Variants in NRG3 observed in about 807,000 individuals in gnomAD.
NRG3 encodes the protein pro-neuregulin-3, membrane-bound isoform.
In NRG3, 31 loss-of-function variants were observed where a neutral mutation model predicts 66.9. The observed-to-expected ratio is 0.46, with a 90% CI of 0.35 to 0.63. The LOEUF is 0.63. Among genes scored for constraint, NRG3 ranks in the 20% least tolerant of loss-of-function variants. The pLI, the probability that NRG3 is intolerant of heterozygous loss-of-function variation, is 0.00. For synonymous variants in NRG3, 393 were observed against 359.4 expected (o/e 1.09, Z -1.06); for missense variants, 910 against 878.9 (o/e 1.04, Z -0.45).
intron 2 of NRG3, among the ~76,000 whole-genome samples, chr10:82,359,538 T>TA (rs924522295): frequency 7.2e-5 from 11 of 152,068 alleles, no homozygotes; most frequent in African/African-American, 2.4e-4. Flanking sequence ...CTGCTAAAAA[T>TA]AAAAACAAGG....
intron 2 of NRG3, among the ~76,000 whole-genome samples, chr10:82,371,774 A>G (rs1387772945): frequency 1.3e-5 from 2 of 152,158 alleles, no homozygotes; most frequent in African/African-American, 4.8e-5. Context: ...GAAGGGGAGC[A>G]TTATGTGCAG....
chr10:82,628,843 C>CT, intron 2 of NRG3, among the ~76,000 whole-genome samples: 1 of 152,194 alleles, frequency 6.6e-6, no homozygotes, highest in East Asian at 1.9e-4. Flanking sequence ...GATTTAATTT[C>CT]TTTTGTGCAG....
At chr10:82,006,279 ATAACTAGCCTGTT>A (rs1315925090) in intron 1 of NRG3, among the ~76,000 whole-genome samples, 1 of 152,100 alleles carries the variant, frequency 6.6e-6, no homozygotes, top group East Asian at 1.9e-4. Context: ...GTCTATTCAT[ATAACTAGCCTGTT>A]TTTCTATTTA....
intron 2 of NRG3, among the ~76,000 whole-genome samples, chr10:82,361,271 C>T (rs1411173071): frequency 6.6e-6 from 1 of 152,138 alleles, no homozygotes; most frequent in African/African-American, 2.4e-5. Context: ...TATTTCAGTA[C>T]AGACAGCCTG....
chr10:82,101,605 A>G (rs1276090804), intron 1 of NRG3, among the ~76,000 whole-genome samples: 1 of 151,590 alleles, frequency 6.6e-6, no homozygotes, highest in Non-Finnish European at 1.5e-5. Flanking sequence ...TTATTTAGGG[A>G]TATGTTAGCT....
intron 1 of NRG3, among the ~76,000 whole-genome samples, chr10:82,313,243 A>G (rs930923885): frequency 3.3e-5 from 5 of 152,008 alleles, no homozygotes; most frequent in African/African-American, 1.2e-4. Context: ...AGGCTGAGGC[A>G]AGAGAATCGC....
chr10:82,313,264 G>C (rs2081126771), intron 1 of NRG3, among the ~76,000 whole-genome samples: 1 of 152,056 alleles, frequency 6.6e-6, no homozygotes, highest in South Asian at 2.1e-4. Context: ...TTGAACCCAG[G>C]AGGCAGAGGT....
chr10:82,075,042 A>G (rs1332295129), intron 1 of NRG3, among the ~76,000 whole-genome samples: 1 of 152,210 alleles, frequency 6.6e-6, no homozygotes, highest in Non-Finnish European at 1.5e-5. Context: ...TATCTGTTGA[A>G]TCGATGAATG....
At chr10:82,767,913 G>C (rs1488055245) in intron 3 of NRG3, among the ~76,000 whole-genome samples, 1 of 150,854 alleles carries the variant, frequency 6.6e-6, no homozygotes, top group Non-Finnish European at 1.5e-5. Flanking sequence ...CTCTGTTCAT[G>C]TTTAAGAGTA....
intron 7 of NRG3, among the ~76,000 whole-genome samples, chr10:82,975,906 T>A (rs1345846436): frequency 6.6e-6 from 1 of 152,208 alleles, no homozygotes; most frequent in African/African-American, 2.4e-5. Context: ...CTCATTTGGA[T>A]AACTCATATA....
intron 2 of NRG3, among the ~76,000 whole-genome samples, chr10:82,541,427 G>A (rs891076886): frequency 1.3e-5 from 2 of 152,030 alleles, no homozygotes; most frequent in Non-Finnish European, 2.9e-5. Context: ...CTCCCCGAGT[G>A]AGCAATTCCT....
chr10:82,285,334 G>A (rs758485633), intron 1 of NRG3, among the ~76,000 whole-genome samples: 3 of 152,082 alleles, frequency 2.0e-5, no homozygotes, highest in Admixed American at 1.3e-4. Flanking sequence ...AAGAGGAATC[G>A]GGGCATTTTC....
chr10:82,843,165 G>A (rs2063145359), intron 3 of NRG3: 1 of 413,068 alleles, frequency 2.4e-6, no homozygotes, highest in Admixed American at 2.5e-5. Flanking sequence ...ATTAGTAATT[G>A]CTATGATTTG....
intron 1 of NRG3, among the ~76,000 whole-genome samples, chr10:81,987,943 A>G (rs2060587682): frequency 2.0e-5 from 3 of 152,164 alleles, no homozygotes; most frequent in Non-Finnish European, 4.4e-5. Flanking sequence ...GATTGTCATG[A>G]CCAACAATAC....
intron 1 of NRG3, among the ~76,000 whole-genome samples, chr10:82,259,943 C>A (rs59753727): frequency 0.15 from 11,230 of 75,838 alleles, 830 homozygotes; most frequent in African/African-American, 0.43. Context: ...ATTAAAAAAA[C>A]AAAACAAAAC....
chr10:82,773,429 G>A (rs2059788853), intron 3 of NRG3, among the ~76,000 whole-genome samples: 1 of 151,940 alleles, frequency 6.6e-6, no homozygotes, highest in East Asian at 1.9e-4. Context: ...TTTTCCTTGG[G>A]TCATTTGATT....
intron 2 of NRG3, among the ~76,000 whole-genome samples, chr10:82,413,581 C>T (rs1590044251): frequency 6.6e-6 from 1 of 152,090 alleles, no homozygotes; most frequent in East Asian, 1.9e-4. Context: ...TCAGCGGTTC[C>T]TTTGAAATTT....
intron 1 of NRG3, among the ~76,000 whole-genome samples, chr10:82,210,860 C>T (rs2075359546): frequency 6.6e-6 from 1 of 150,784 alleles, no homozygotes; most frequent in South Asian, 2.1e-4. Flanking sequence ...AAAGTAGCTC[C>T]TTGATATTAA....
intron 2 of NRG3, among the ~76,000 whole-genome samples, chr10:82,722,965 GTA>G (rs201817622): frequency 1.3e-5 from 2 of 151,474 alleles, no homozygotes; most frequent in Non-Finnish European, 2.9e-5. Flanking sequence ...CCCACTACTA[GTA>G]TATATATATA....
Sources: allele counts gnomAD v4.1 joint callset (sites outside exome capture counted in the v4.1 genomes callset), GRCh38; gene constraint gnomAD v4.1.1; transcripts MANE v1.5; gene names NCBI Gene and HGNC (gene_info 2026-07-23, HGNC 2026-07-21).